HDX: variants seen among roughly 807,000 people sequenced by gnomAD.
HDX encodes the protein chromosome X open reading frame 43.
Under a neutral mutation model 45.2 loss-of-function variants are expected in HDX, and 19 were observed. The ratio of observed to expected loss-of-function variants is 0.42; its 90% confidence interval spans 0.29 to 0.62. HDX has a LOEUF of 0.62. Among genes scored for constraint, HDX ranks in the 20% least tolerant of loss-of-function variants. The pLI is 0.20. For synonymous variants in HDX, 188 were observed against 172.8 expected, an observed-to-expected ratio of 1.09 and a Z score of -0.69; for missense variants, 532 against 493.9, an observed-to-expected ratio of 1.08 and a Z score of -0.73.
intron 5 of HDX, among the ~76,000 whole-genome samples, chrX:84,428,620 C>T (rs1010999952): frequency 2.7e-5 from 3 of 111,062 alleles, no homozygotes; most frequent in African/African-American, 9.8e-5. Flanking sequence ...AGTTAACTGA[C>T]AATAAGCTTT....
Position 84,321,916 on chromosome X carries a change from T to A in HDX, c.2046A>T (p.Ser682=), listed in dbSNP as rs1441603811. ...DDTSFSVSSL[S]EKNVSESL is the part of the protein sequence containing the mutation. ...ACAAACTTTCTGAGACATTTTTCTC[T>A]GACAAAGAAGATACACTGAATGAGG... is the stretch of plus-strand genomic sequence containing the variant. The change falls in exon 11 of 11, where the codon TCA becomes TCT. Residue 682 remains serine, a synonymous_variant. Transcript: ENST00000373177. 1.7e-6 allele frequency: 2 copies of A among 1,190,323 alleles called. No individual in the cohort carries two copies. Among genetic ancestry groups the A allele is most frequent in the Non-Finnish European group, 2.3e-6 (2 of 881,058 alleles).
chrX:84,446,658 T>TGTC (rs1425269804), intron 4 of HDX, among the ~76,000 whole-genome samples: 1 of 111,841 alleles, frequency 8.9e-6, no homozygotes, highest in Non-Finnish European at 1.9e-5. Context: ...TATAGATCCT[T>TGTC]GTCCTCCCAT....
At chrX:84,341,275 A>T (rs920620801) in intron 7 of HDX, among the ~76,000 whole-genome samples, 24 of 111,315 alleles carry the variant, frequency 2.2e-4, no homozygotes, top group Non-Finnish European at 3.8e-4. Flanking sequence ...CTAACCAATG[A>T]CAGAAATGGT....
intron 5 of HDX, among the ~76,000 whole-genome samples, chrX:84,420,510 G>A (rs1425388786): frequency 9.0e-6 from 1 of 111,162 alleles, no homozygotes; most frequent in Non-Finnish European, 1.9e-5. Flanking sequence ...GTCTCAAAAG[G>A]GTAAATCTAA....
At position 84,457,125 on chromosome X, in the gene HDX, C is replaced by G. The variant is rs941462280; in HGVS notation, c.1251+11347G>C. Among the ~76,000 whole-genome samples the G allele has an allele frequency of 2.1e-4, 24 of 111,665 alleles. 1 individual carries two copies. The highest frequency in any genetic ancestry group is 2.1e-3 in the Admixed American group (22 of 10,556). ...CTCAAGAATAGACCACATGTTAGGC[C>G]ACAAAATCTTCTTTTTTTTTGGCTA... On this transcript the variant is annotated intron_variant, in intron 4 of 10. Transcript: ENST00000373177.
rs1418909243 is a variant in HDX, at chrX:84,353,775, T to C, written c.1452+7691A>G. Among the ~76,000 whole-genome samples the C allele has an allele frequency of 2.7e-5, 3 of 111,680 alleles. No individual in the cohort carries two copies. The East Asian group carries it at 8.5e-4, about 32-fold the overall frequency. On this transcript the variant is annotated intron_variant, in intron 6 of 10. Transcript: ENST00000373177. ...ATGTGAGTGGGTATCATACAATCTG[T>C]TGAGCGTCTGAAGTTTCCATCCTCT...
intron 5 of HDX, among the ~76,000 whole-genome samples, chrX:84,431,482 T>C: frequency 9.0e-6 from 1 of 111,563 alleles, no homozygotes; most frequent in African/African-American, 3.2e-5. Context: ...TGTATAAGTG[T>C]TCCCTTTTCT....
At chrX:84,336,932 G>C in intron 7 of HDX, 52 bp from the exon 8 acceptor site, 1 of 770,861 alleles carries the variant, frequency 1.3e-6, no homozygotes, top group Non-Finnish European at 1.9e-6. Flanking sequence ...ACTTTCTTGA[G>C]AATACTATTT....
chrX:84,423,292 A>G (rs73507095), intron 5 of HDX, among the ~76,000 whole-genome samples: 9,022 of 110,217 alleles, frequency 0.082, 280 homozygotes, highest in South Asian at 0.15. Context: ...AACTAACAAC[A>G]AAAACAAAAA....
intron 4 of HDX, among the ~76,000 whole-genome samples, chrX:84,453,748 AAGGG>A (rs2040054671): frequency 8.9e-6 from 1 of 111,777 alleles, no homozygotes; most frequent in African/African-American, 3.3e-5. Flanking sequence ...CAGGGCAGCC[AAGGG>A]AGTGCTTGTG....
At chrX:84,493,056 C>A (rs2040923615) in intron 1 of HDX, among the ~76,000 whole-genome samples, 1 of 110,933 alleles carries the variant, frequency 9.0e-6, no homozygotes, top group Non-Finnish European at 1.9e-5. Context: ...AGATTACAGG[C>A]ACTGGCCACC....
At chrX:84,367,416 G>A (rs921668387) in intron 5 of HDX, among the ~76,000 whole-genome samples, 1 of 112,126 alleles carries the variant, frequency 8.9e-6, no homozygotes, top group African/African-American at 3.2e-5. Context: ...GTGTAAATTA[G>A]TTCAACCATT....
intron 5 of HDX, among the ~76,000 whole-genome samples, chrX:84,377,100 CTCTG>C (rs2038075255): frequency 8.9e-6 from 1 of 112,278 alleles, no homozygotes; most frequent in Non-Finnish European, 1.9e-5. Context: ...GATAATAAGT[CTCTG>C]TCTGGTAATT....
At chrX:84,419,124 A>G (rs1235833773) in intron 5 of HDX, among the ~76,000 whole-genome samples, 2 of 111,672 alleles carry the variant, frequency 1.8e-5, no homozygotes, top group African/African-American at 6.5e-5. Flanking sequence ...GCCCTGAATA[A>G]CAAGCAATGA....
At chrX:84,420,121 A>G (rs867070460) in intron 5 of HDX, among the ~76,000 whole-genome samples, 1 of 112,016 alleles carries the variant, frequency 8.9e-6, no homozygotes, top group Non-Finnish European at 1.9e-5. Flanking sequence ...AATACCACCC[A>G]GGAAACATAA....
At chrX:84,356,806 T>C (rs1429034147) in intron 6 of HDX, among the ~76,000 whole-genome samples, 1 of 109,987 alleles carries the variant, frequency 9.1e-6, no homozygotes, top group Admixed American at 9.7e-5. Context: ...GTATTTTTAG[T>C]AGAGACGGGG....
intron 4 of HDX, among the ~76,000 whole-genome samples, chrX:84,447,592 C>A (rs1010700170): frequency 7.2e-5 from 8 of 110,862 alleles, no homozygotes; most frequent in South Asian, 7.7e-4. Context: ...CAGGTCCCCC[C>A]CACACACCAA....
chrX:84,358,658 C>T (rs773957836), intron 6 of HDX, among the ~76,000 whole-genome samples: 1 of 112,259 alleles, frequency 8.9e-6, no homozygotes, highest in Admixed American at 9.4e-5. Context: ...CAGGGCAGTA[C>T]TTATTTTGAG....
chrX:84,342,538 TGA>T (rs1345139155), intron 7 of HDX, among the ~76,000 whole-genome samples: 162 of 108,080 alleles, frequency 1.5e-3, no homozygotes, highest in Admixed American at 2.3e-3. Context: ...TGTGTGTGTG[TGA>T]GAGAGAGAGA....
Sources: allele counts gnomAD v4.1 joint callset (sites outside exome capture counted in the v4.1 genomes callset), GRCh38; gene constraint gnomAD v4.1.1; transcripts MANE v1.5; gene names NCBI Gene and HGNC (gene_info 2026-07-23, HGNC 2026-07-21).